The following CYSTM1 variants were observed in gnomAD, a reference collection of about 807,000 sequenced individuals.
CYSTM1 encodes the protein cysteine rich transmembrane module containing 1.
A neutral mutation model predicts 13.1 loss-of-function variants in CYSTM1; 4 were observed. The observed-to-expected ratio is 0.31, with a 90% CI of 0.15 to 0.70. The LOEUF (loss-of-function observed/expected upper bound fraction) is 0.70, where lower values mean the gene tolerates loss of function less well. CYSTM1 is among the 30% of genes least tolerant of loss of function. The pLI, the probability that CYSTM1 is intolerant of heterozygous loss-of-function variation, is 0.72. For missense variants in CYSTM1, 96 were observed against 121.6 expected, an observed-to-expected ratio of 0.79 and a Z score of 0.99; for synonymous variants, 36 against 42.7, an observed-to-expected ratio of 0.84 and a Z score of 0.62.
rs752344833 is a variant in CYSTM1, at chr5:140,194,499, C to T, written c.34C>T (p.Pro12Ser). 2 of 1,609,218 alleles carry T rather than the reference C, an allele frequency of 1.2e-6. No individual in the cohort carries two copies. The highest frequency in any genetic ancestry group is 1.7e-6 in the Non-Finnish European group (2 of 1,178,652). ...NQENPPPYPGPGPTAPYPPYP... is the reference protein window; with the variant it reads ...NQENPPPYPGSGPTAPYPPYP... Reference sequence around the variant, plus strand: ...AGAGAACCCTCCACCATATCCAGGCCCTGGTCCAACGGCCCCATACCCACC... The same window carrying T: ...AGAGAACCCTCCACCATATCCAGGCTCTGGTCCAACGGCCCCATACCCACC... Residue 12 changes from proline (P) to serine (S), a missense_variant, in exon 2 of 3, where the codon CCT becomes TCT. Coordinates refer to ENST00000261811, the MANE Select transcript of CYSTM1 (RefSeq NM_032412.4).
Position 140,226,514 on chromosome 5 carries a change from T to A in CYSTM1, c.188-16791T>A, listed in dbSNP as rs1455581689. On this transcript the variant is annotated intron_variant, in intron 2 of 2. Coordinates refer to ENST00000261811, the MANE Select transcript of CYSTM1 (RefSeq NM_032412.4). ...ATATATAATATATATAAATATATAT[T>A]AATAATATATAATATATTTATATAT... Among the ~76,000 whole-genome samples, 343 of 120,180 alleles carry A rather than the reference T, an allele frequency of 2.9e-3. 5 individuals carry two copies. The highest frequency in any genetic ancestry group is 0.01 in the African/African-American group (331 of 31,574). 78.8% of individuals were successfully genotyped at this position (120,180 alleles called of 152,430 possible).
chr5:140,206,222 G>A (rs548930170), intron 2 of CYSTM1, among the ~76,000 whole-genome samples: 4 of 151,796 alleles, frequency 2.6e-5, no homozygotes, highest in African/African-American at 9.7e-5. Flanking sequence ...AGGCCTTCCA[G>A]TCACCTCCCC....
chr5:140,198,949 T>TC (rs1339679333), intron 2 of CYSTM1, among the ~76,000 whole-genome samples: 1 of 152,178 alleles, frequency 6.6e-6, no homozygotes, highest in Non-Finnish European at 1.5e-5. Context: ...ATGCTATCCC[T>TC]CCCCTAGCCC....
At position 140,214,138 on chromosome 5, in the gene CYSTM1, C is replaced by T. The variant is rs566537214; in HGVS notation, c.187+19486C>T. On this transcript the variant is annotated intron_variant, in intron 2 of 2. Transcript: ENST00000261811. ...GGCTCTCATTCCTTCTGACTTAGGT[C>T]CTTAACTTGACAGACCTACTCAGTC... 9.7e-4 allele frequency among the ~76,000 whole-genome samples: 147 copies of T among 152,270 alleles called. 2 individuals carry two copies. The highest frequency in any genetic ancestry group is 1.6e-3 in the Admixed American group (24 of 15,280).
At chr5:140,205,106 A>T (rs910757323) in intron 2 of CYSTM1, among the ~76,000 whole-genome samples, 2 of 152,152 alleles carry the variant, frequency 1.3e-5, no homozygotes, top group African/African-American at 4.8e-5. Context: ...GTATGTTGGG[A>T]ACTACCCAGT....
At chr5:140,213,625 T>G (rs749033447) in intron 2 of CYSTM1, among the ~76,000 whole-genome samples, 8 of 152,370 alleles carry the variant, frequency 5.3e-5, no homozygotes, top group Non-Finnish European at 1.2e-4. Flanking sequence ...GTGCTCTATA[T>G]ATGTATACCA....
chr5:140,236,121 G>A lies in CYSTM1; in HGVS notation c.188-7184G>A, dbSNP rs968152681. 3.9e-5 allele frequency among the ~76,000 whole-genome samples: 6 copies of A among 152,136 alleles called. No individual in the cohort carries two copies. The East Asian group carries it at 5.8e-4, about 15-fold the overall frequency. On this transcript the variant is annotated intron_variant, in intron 2 of 2. Coordinates refer to ENST00000261811, the MANE Select transcript of CYSTM1 (RefSeq NM_032412.4). ...ATTTGAGATTCCCTTTTTTATTTCCGTCTCTCACCACTATGAGAAGCTCTT... is the reference window on the plus strand; with the variant it reads ...ATTTGAGATTCCCTTTTTTATTTCCATCTCTCACCACTATGAGAAGCTCTT...
At chr5:140,226,744 C>A in intron 2 of CYSTM1, among the ~76,000 whole-genome samples, 1 of 141,360 alleles carries the variant, frequency 7.1e-6, no homozygotes. Flanking sequence ...CCAGCCTGGG[C>A]AACAAGAGTG....
intron 2 of CYSTM1, among the ~76,000 whole-genome samples, chr5:140,207,245 A>G (rs1764309864): frequency 6.6e-6 from 1 of 152,154 alleles, no homozygotes; most frequent in Non-Finnish European, 1.5e-5. Flanking sequence ...CCCCTCAACT[A>G]GAAGACAGGC....
At chr5:140,233,892 C>T (rs1235777064) in intron 2 of CYSTM1, among the ~76,000 whole-genome samples, 2 of 152,164 alleles carry the variant, frequency 1.3e-5, no homozygotes, top group East Asian at 3.8e-4. Flanking sequence ...GTGATTTGCA[C>T]ATATTTTCTC....
intron 2 of CYSTM1, chr5:140,202,461 T>C (rs1764244994): frequency 6.6e-6 from 1 of 152,192 alleles, no homozygotes; most frequent in African/African-American, 2.4e-5. Flanking sequence ...TGGTTATCTA[T>C]TGTTACGTCA....
intron 2 of CYSTM1, among the ~76,000 whole-genome samples, chr5:140,229,080 A>G (rs1269797886): frequency 6.6e-6 from 1 of 152,074 alleles, no homozygotes; most frequent in African/African-American, 2.4e-5. Flanking sequence ...TTGATTATAC[A>G]TATTCTTAGC....
chr5:140,207,566 T>A lies in CYSTM1; in HGVS notation c.187+12914T>A, dbSNP rs117681649. On this transcript the variant is annotated intron_variant, in intron 2 of 2. Coordinates refer to ENST00000261811, the MANE Select transcript of CYSTM1 (RefSeq NM_032412.4). ...TGGATGTGCCAAAGTAGGAACTTAA[T>A]GTACAACTCAAAGATTTAAATATTT... 4.5e-3 allele frequency among the ~76,000 whole-genome samples: 690 copies of A among 152,318 alleles called. 3 individuals carry two copies. Among genetic ancestry groups the A allele is most frequent in the East Asian group, 8.5e-3 (44 of 5,184 alleles).
At chr5:140,198,390 G>C (rs1312290391) in intron 2 of CYSTM1, among the ~76,000 whole-genome samples, 1 of 152,218 alleles carries the variant, frequency 6.6e-6, no homozygotes, top group Non-Finnish European at 1.5e-5. Flanking sequence ...TAATTCAGCT[G>C]TCAGCCTGTC....
At chr5:140,193,250 T>C (rs1364954530) in intron 1 of CYSTM1, among the ~76,000 whole-genome samples, 1 of 150,278 alleles carries the variant, frequency 6.7e-6, no homozygotes, top group Non-Finnish European at 1.5e-5. Context: ...TTAGAGTTTA[T>C]ACTTTGCATT....
intron 2 of CYSTM1, among the ~76,000 whole-genome samples, chr5:140,205,544 C>T (rs1561812355): frequency 6.6e-6 from 1 of 152,156 alleles, no homozygotes; most frequent in Non-Finnish European, 1.5e-5. Flanking sequence ...AACAAGGACA[C>T]TGCTTAGTGC....
At chr5:140,204,517 A>AC (rs765494827) in intron 2 of CYSTM1, among the ~76,000 whole-genome samples, 58 of 150,824 alleles carry the variant, frequency 3.8e-4, no homozygotes, top group East Asian at 2.0e-4. Flanking sequence ...CCTTATCTGC[A>AC]CCCCCCCACC....
chr5:140,193,382 C>A (rs1764115255), intron 1 of CYSTM1, among the ~76,000 whole-genome samples: 1 of 152,228 alleles, frequency 6.6e-6, no homozygotes, highest in Non-Finnish European at 1.5e-5. Flanking sequence ...CTCCCAAGTT[C>A]AAGCGATTCT....
At chr5:140,183,386 C>T (rs933855358) in intron 1 of CYSTM1, among the ~76,000 whole-genome samples, 1 of 152,198 alleles carries the variant, frequency 6.6e-6, no homozygotes, top group Non-Finnish European at 1.5e-5. Flanking sequence ...GAGCCTCTCT[C>T]TTGCTGGGCC....
Sources: allele counts gnomAD v4.1 joint callset (sites outside exome capture counted in the v4.1 genomes callset), GRCh38; gene constraint gnomAD v4.1.1; transcripts MANE v1.5; gene names NCBI Gene and HGNC (gene_info 2026-07-23, HGNC 2026-07-21).